PSG5: variants seen among roughly 807,000 people sequenced by gnomAD.
PSG5 encodes pregnancy specific beta-1-glycoprotein 5.
A neutral mutation model predicts 37.7 loss-of-function variants in PSG5; 53 were observed. That is an observed-to-expected ratio of 1.41 (90% CI 1.13 to 1.77). PSG5 has a LOEUF of 1.77. Among genes scored for constraint, PSG5 ranks in the 40% most tolerant of loss-of-function variants. PSG5 has a pLI of 0.00. For missense variants in PSG5, 547 were observed against 405.2 expected, an observed-to-expected ratio of 1.35 and a Z score of -3.00; for synonymous variants, 221 against 155.4, an observed-to-expected ratio of 1.42 and a Z score of -3.14.
Position 43,185,008 on chromosome 19 carries a change from G to A in PSG5, c.204C>T (p.Tyr68=), listed in dbSNP as rs190171836. The change falls in exon 2 of 6, where the codon TAC becomes TAT. Residue 68 remains tyrosine, a synonymous_variant. Transcript: ENST00000342951. ...LPQNLAGYIW[Y]KGQLMDLYHY... Reference sequence around the variant, plus strand: ...GGTAGAGGTCCATCAGTTGTCCTTTGTACCAGATGTAGCCAGCAAGATTCT... The same window carrying A: ...GGTAGAGGTCCATCAGTTGTCCTTTATACCAGATGTAGCCAGCAAGATTCT... 8.1e-6 allele frequency: 13 copies of A among 1,612,458 alleles called. No homozygotes were observed. The Admixed American group carries it at 1.3e-4, about 17-fold the overall frequency.
chr19:43,174,823 G>A (rs1599746630), intron 4 of PSG5: 2 of 1,168,990 alleles, frequency 1.7e-6, no homozygotes, highest in East Asian at 2.9e-5. Context: ...TTGTTTCAGA[G>A]CCTCAGATGT....
At chr19:43,171,505 G>A (rs1568547563) in intron 4 of PSG5, 1 of 257,938 alleles carries the variant, frequency 3.9e-6, no homozygotes, top group Non-Finnish European at 7.5e-6. Flanking sequence ...CAGTGAATGA[G>A]GGAAATAATA....
Position 43,172,460 on chromosome 19 carries a change from A to G in PSG5, c.965-2322T>C, listed in dbSNP as rs1192709458. On this transcript the variant is annotated intron_variant, in intron 4 of 5. Transcript: ENST00000342951. The stretch of plus-strand genomic sequence containing the variant: ...AAGGAGTAAAATTCTTTCTGTTTAC[A>G]GATAACTTGAACTTATATGTAGAAA... Among the ~76,000 whole-genome samples, 5 of 151,708 alleles carry G rather than the reference A, an allele frequency of 3.3e-5. 1 individual carries two copies. The highest frequency in any genetic ancestry group is 7.4e-5 in the Non-Finnish European group (5 of 67,934).
chr19:43,176,072 A>G lies in PSG5; in HGVS notation c.507T>C (p.Cys169=). 6.2e-7 allele frequency: 1 copy of G among 1,611,036 alleles called. No individual in the cohort carries two copies. The highest frequency in any genetic ancestry group is 2.2e-5 in the East Asian group (1 of 44,864). Reference sequence around the variant, plus strand: ...AGGTGTAGTTCTCACTCTTAGGTTCACAGGTGAAGGCTAAGACATCCTTAT... The same window carrying G: ...AGGTGTAGTTCTCACTCTTAGGTTCGCAGGTGAAGGCTAAGACATCCTTAT... The part of the protein sequence containing the change: ...RENKDVLAFT[C]EPKSENYTYI... The change falls in exon 3 of 6, where the codon TGT becomes TGC. Residue 169 remains cysteine (C), a synonymous_variant. Coordinates refer to ENST00000342951, the MANE Select transcript of PSG5 (RefSeq NM_002781.4).
At chr19:43,176,635 G>A (rs1292624586) in intron 2 of PSG5, among the ~76,000 whole-genome samples, 1 of 151,224 alleles carries the variant, frequency 6.6e-6, no homozygotes, top group Non-Finnish European at 1.5e-5. Context: ...AAGATACTGA[G>A]CAGTCTGGCC....
At chr19:43,186,299 C>T (rs1400637510) in intron 1 of PSG5, 43 bp downstream of exon 1, 14 of 1,610,512 alleles carry the variant, frequency 8.7e-6, no homozygotes, top group Non-Finnish European at 1.1e-5. Context: ...TCCAGTCACT[C>T]TTCTTCCTCC....
In PSG5 at chr19:43,168,396, T is replaced by A. The variant is rs774018105; in HGVS notation, c.*41-193A>T. 1.4e-3 allele frequency among the ~76,000 whole-genome samples: 212 copies of A among 151,088 alleles called. 5 individuals carry two copies. The highest frequency in any genetic ancestry group is 1.9e-3 in the Non-Finnish European group (132 of 67,758). On this transcript the variant is annotated intron_variant, in intron 5 of 5. Coordinates refer to ENST00000342951, the MANE Select transcript of PSG5 (RefSeq NM_002781.4). The stretch of plus-strand genomic sequence containing the variant: ...AAAAATTTTTTTTTTTGAAATGGAG[T>A]CTCACTCTGTCACCCAGGCTGGAGT...
intron 2 of PSG5, among the ~76,000 whole-genome samples, chr19:43,179,421 G>A (rs760417619): frequency 7.9e-5 from 12 of 151,708 alleles, no homozygotes; most frequent in Non-Finnish European, 1.6e-4. Flanking sequence ...CACAGGACCA[G>A]CAGTCACAGA....
At chr19:43,172,870 G>T (rs1239505006) in intron 4 of PSG5, among the ~76,000 whole-genome samples, 2 of 151,438 alleles carry the variant, frequency 1.3e-5, no homozygotes, top group African/African-American at 4.9e-5. Context: ...TGCAGAAAAA[G>T]ACAAATCTGT....
chr19:43,180,760 C>G (rs907581249), intron 2 of PSG5, among the ~76,000 whole-genome samples: 1 of 150,662 alleles, frequency 6.6e-6, no homozygotes, highest in African/African-American at 2.5e-5. Flanking sequence ...ACATTATGCT[C>G]AAAGAAAGAC....
rs780324481 is a variant in PSG5, at chr19:43,185,159, A to C, written c.65-12T>G. The C allele has an allele frequency of 1.8e-5, 29 of 1,587,710 alleles. No individual in the cohort carries two copies. Among genetic ancestry groups the C allele is most frequent in the Non-Finnish European group, 2.4e-5 (28 of 1,166,418 alleles). On this transcript the variant is annotated splice_polypyrimidine_tract_variant and intron_variant, in intron 1 of 5. Coordinates refer to ENST00000342951, the MANE Select transcript of PSG5 (RefSeq NM_002781.4). Reference sequence around the variant, plus strand: ...GTTTAAAAGTGATGCTAGGAGGTGGAGAAAGCACCAGTCAATATTGAGACC... The same window carrying C: ...GTTTAAAAGTGATGCTAGGAGGTGGCGAAAGCACCAGTCAATATTGAGACC...
chr19:43,179,102 C>G, intron 2 of PSG5: 2 of 1,609,236 alleles, frequency 1.2e-6, no homozygotes, highest in Non-Finnish European at 1.7e-6. Context: ...TCACAGCCTC[C>G]ATGGCCTCCC....
intron 2 of PSG5, among the ~76,000 whole-genome samples, chr19:43,178,335 C>A (rs1472440692): frequency 2.6e-5 from 4 of 151,654 alleles, no homozygotes; most frequent in Admixed American, 1.3e-4. Context: ...ATAAAGCACA[C>A]TTGTGCTGAT....
intron 2 of PSG5, among the ~76,000 whole-genome samples, chr19:43,182,596 C>A (rs181565926): frequency 1.3e-5 from 2 of 150,628 alleles, no homozygotes; most frequent in South Asian, 2.1e-4. Context: ...AATCTCTAAC[C>A]CCTGATCCAC....
intron 1 of PSG5, among the ~76,000 whole-genome samples, chr19:43,185,397 A>T (rs954551808): frequency 2.1e-5 from 3 of 146,298 alleles, no homozygotes; most frequent in Non-Finnish European, 3.0e-5. Flanking sequence ...GCATTTTTGT[A>T]TGGAATCCTC....
rs1399636041 is a variant in PSG5 at position 43,170,094 on chromosome 19, G to T, written c.*1C>A. On this transcript the variant is annotated 3_prime_UTR_variant, in exon 5 of 6. Coordinates refer to ENST00000342951, the MANE Select transcript of PSG5 (RefSeq NM_002781.4). ...GAAATACAGAAATGACTTCACGGCTGCTATATTGGATTAAGGAGAGGAAGA... is the reference window on the plus strand; with the variant it reads ...GAAATACAGAAATGACTTCACGGCTTCTATATTGGATTAAGGAGAGGAAGA... The T allele has an allele frequency of 1.3e-6, 2 of 1,582,788 alleles. No individual in the cohort carries two copies. Among genetic ancestry groups the T allele is most frequent in the Admixed American group, 3.4e-5 (2 of 59,220 alleles).
chr19:43,171,844 A>C (rs975320422), intron 4 of PSG5, among the ~76,000 whole-genome samples: 5 of 151,060 alleles, frequency 3.3e-5, no homozygotes, highest in Non-Finnish European at 7.4e-5. Flanking sequence ...TGTTGACATG[A>C]ACCTGTAGTC....
At chr19:43,182,507 C>G (rs1969149633) in intron 2 of PSG5, among the ~76,000 whole-genome samples, 1 of 151,242 alleles carries the variant, frequency 6.6e-6, no homozygotes, top group Admixed American at 6.6e-5. Flanking sequence ...AGATCATTTC[C>G]CTCTGCCCAC....
At chr19:43,174,724 A>G (rs1422865832) in intron 4 of PSG5, 15 of 1,036,954 alleles carry the variant, frequency 1.4e-5, no homozygotes, top group South Asian at 8.8e-5. Context: ...GTCACCAGAG[A>G]AGCATGGAGC....
Sources: gnomAD v4.1 joint callset for allele counts (sites outside exome capture counted in the v4.1 genomes callset) on GRCh38, gnomAD v4.1.1 for gene constraint, MANE v1.5 for transcripts, NCBI Gene and HGNC (gene_info 2026-07-23, HGNC 2026-07-21) for gene names.